KMT2D: variants seen among roughly 807,000 people sequenced by gnomAD.
The protein encoded by KMT2D is histone-lysine N-methyltransferase 2D.
In KMT2D, 55 loss-of-function variants were observed where a neutral mutation model predicts 512.7. The observed-to-expected ratio is 0.11, with a 90% CI of 0.09 to 0.13. The LOEUF is 0.13. Among genes scored for constraint, KMT2D ranks in the 10% least tolerant of loss-of-function variants. The probability of loss-of-function intolerance (pLI) is 1.00; values close to 1 mark genes in which losing one functional copy is unlikely to be tolerated. For synonymous variants in KMT2D, 2,995 were observed against 2,904.0 expected (o/e 1.03, Z -1.01); for missense variants, 6,061 against 7,127.9 (o/e 0.85, Z 5.39).
rs373801234 is a variant in KMT2D at position 49,034,628 on chromosome 12, C to G, written c.10394G>C (p.Gly3465Ala). The change falls in exon 37 of 55, where the codon GGA becomes GCA. Residue 3465 changes from glycine to alanine, a missense_variant. Gly to Ala is a moderately conservative substitution (Grantham distance 60, BLOSUM62 0). This residue lies in a region of KMT2D where 533 missense variants were observed against 539.6 expected (regional missense o/e 0.99). Transcript: ENST00000301067. ...ATGGTTCTGCAGATCACTGCTAGGT[C>G]CCCCCGAGAGCCTCTGGGCTAGCAG... ...VSLLAQRLSG[G>A]PSSDLQNHVA... 3.1e-6 allele frequency: 5 copies of G among 1,613,306 alleles called. No individual in the cohort carries two copies. The South Asian group carries it at 3.3e-5, about 11-fold the overall frequency.
chr12:49,042,767 G>C lies in KMT2D; in HGVS notation c.5756C>G (p.Thr1919Arg), dbSNP rs200741577. ...TTGAAGAAAGGGCCTCTGCAGTGGC[G>C]TACGGCTGCCTTCTAGGCCAGGGGT... ...CGTPGLEGSRTPLQRPFLQGG... is the reference protein window; with the variant it reads ...CGTPGLEGSRRPLQRPFLQGG... Residue 1919 changes from threonine (T) to arginine (R), a missense_variant, in exon 27 of 55, where the codon ACG becomes AGG. Around this residue, in one of 16 missense-constraint regions of KMT2D, gnomAD observed 640 missense variants for 814.3 expected, o/e 0.79. Transcript: ENST00000301067. The surrounding 1 kb of genome is among the most constrained non-coding windows in gnomAD (Gnocchi z 4.4). 1.9e-6 allele frequency: 3 copies of C among 1,613,894 alleles called. No homozygotes were observed. Among genetic ancestry groups the C allele is most frequent in the Non-Finnish European group, 1.7e-6 (2 of 1,179,802 alleles).
At position 49,054,845 on chromosome 12, in the gene KMT2D, C is replaced by T; in HGVS notation, c.176+55G>A. 2.5e-6 allele frequency: 4 copies of T among 1,604,316 alleles called. No individual in the cohort carries two copies. The South Asian group carries it at 4.4e-5, about 18-fold the overall frequency. ...TCCCCAACACTCATTTTCCTAAATTCTCTTCCTTGAAAGCCCTAGACTCTC... is the reference window on the plus strand; with the variant it reads ...TCCCCAACACTCATTTTCCTAAATTTTCTTCCTTGAAAGCCCTAGACTCTC... On this transcript the variant is annotated intron_variant, in intron 3 of 54. Coordinates refer to ENST00000301067, the MANE Select transcript of KMT2D (RefSeq NM_003482.4). This position sits in a 1 kb window ranked among gnomAD's most constrained non-coding sequence, Gnocchi z 6.4.
chr12:49,042,930 A>G lies in KMT2D; in HGVS notation c.5645-52T>C. 3 of 1,607,840 alleles carry G rather than the reference A, an allele frequency of 1.9e-6. No homozygotes were observed. The highest frequency in any genetic ancestry group is 2.6e-6 in the Non-Finnish European group (3 of 1,176,062). On this transcript the variant is annotated intron_variant, in intron 26 of 54. Coordinates refer to ENST00000301067, the MANE Select transcript of KMT2D (RefSeq NM_003482.4). This position sits in a 1 kb window ranked among gnomAD's most constrained non-coding sequence, Gnocchi z 4.4. The stretch of plus-strand genomic sequence containing the variant: ...AGGAAGACTGGGAAGTTCAGGTGAC[A>G]CCACAGGTCTACAAATGATCATGGC...
At position 49,032,610 on chromosome 12, in the gene KMT2D, G is replaced by A. The variant is rs772049588; in HGVS notation, c.12095C>T (p.Ala4032Val). 3 of 1,613,982 alleles carry A rather than the reference G, an allele frequency of 1.9e-6. No homozygotes were observed. The Admixed American group carries it at 5.0e-5, about 27-fold the overall frequency. ...CCCCTCAGTGGCCTCTGAAGAAACG[G>A]CTGGGTCTACGGTGTTTTGTTCCTT... is the stretch of plus-strand genomic sequence containing the variant. ...TGKEQNTVDP[A>V]VSSEATEGPS... Residue 4032 changes from alanine to valine, a missense_variant, in exon 40 of 55, where the codon GCC (alanine) becomes GTC (valine). Physicochemically the swap from Ala to Val is moderately conservative, Grantham distance 64. Around this residue, in one of 16 missense-constraint regions of KMT2D, gnomAD observed 1,600 missense variants for 1,754.9 expected, o/e 0.91. Transcript: ENST00000301067.
chr12:49,027,156 G>A lies in KMT2D; in HGVS notation c.14810C>T (p.Pro4937Leu), dbSNP rs1481351694. The change falls in exon 49 of 55, where the codon CCC becomes CTC. Residue 4937 changes from proline to leucine, a missense_variant. Physicochemically the swap from Pro to Leu is moderately conservative, Grantham distance 98. This residue lies in a region of KMT2D where 1,600 missense variants were observed against 1,754.9 expected (regional missense o/e 0.91). Transcript: ENST00000301067. ...GGGTGGCTCAGCCAAGGGTTCGGTG[G>A]GAAGTTCAACCAAGGGCTCAGTAGG... ...SPPTEPLVEL[P>L]TEPLAEPPVP... The A allele has an allele frequency of 2.6e-6, 4 of 1,567,168 alleles. No individual in the cohort carries two copies.
chr12:49,024,727 C>A lies in KMT2D; in HGVS notation c.15922-19G>T, dbSNP rs992466578. On this transcript the variant is annotated intron_variant, in intron 50 of 54. Coordinates refer to ENST00000301067, the MANE Select transcript of KMT2D (RefSeq NM_003482.4). This position sits in a 1 kb window ranked among gnomAD's most constrained non-coding sequence, Gnocchi z 4.5. ...CGGGCAGCTGTGGGCACAGTTCATA[C>A]TCACCTTAGCCTGAGTTTTTTTGGG... is the stretch of plus-strand genomic sequence containing the variant. 6.2e-7 allele frequency: 1 copy of A among 1,612,254 alleles called. No homozygotes were observed. Among genetic ancestry groups the A allele is most frequent in the South Asian group, 1.1e-5 (1 of 90,882 alleles).
At chr12:49,036,988 C>T in intron 35 of KMT2D, 137 bp downstream of exon 35, 1 of 1,100,288 alleles carries the variant, frequency 9.1e-7, no homozygotes, top group African/African-American at 1.6e-5. Context: ...CTGCCTCTAC[C>T]ACTAGTATGA....
rs1421194700 is a variant in KMT2D, at chr12:49,038,935, G to A, written c.8421C>T (p.Ser2807=). 5.2e-6 allele frequency: 8 copies of A among 1,551,632 alleles called. No homozygotes were observed. Among genetic ancestry groups the A allele is most frequent in the Admixed American group, 3.9e-5 (2 of 51,000 alleles). ...GTTGCTGTTGCTGCTGTAAGGGCAGGGACCCAGGATAGGGTGCTCGCTGAT... is the reference window on the plus strand; with the variant it reads ...GTTGCTGTTGCTGCTGTAAGGGCAGAGACCCAGGATAGGGTGCTCGCTGAT... The part of the protein sequence containing the change: ...AFYQRAPYPG[S]LPLQQQQQQL... The change falls in exon 35 of 55, where the codon TCC becomes TCT. Residue 2807 remains serine, a synonymous_variant. Coordinates refer to ENST00000301067, the MANE Select transcript of KMT2D (RefSeq NM_003482.4). This position sits in a 1 kb window ranked among gnomAD's most constrained non-coding sequence, Gnocchi z 5.7.
In KMT2D at chr12:49,027,067, G is replaced by A. The variant is rs943956557; in HGVS notation, c.14899C>T (p.Pro4967Ser). ...CGGGAATCTTCACCTTCTTCAGGGG[G>A]CCGGGCACGGGGCTTGGGTCGGGCT... ...ESARPKPRAR[P>S]PEEGEDSRPP... Residue 4967 changes from proline (P) to serine (S), a missense_variant, in exon 49 of 55, where the codon CCC (proline) becomes TCC (serine). Pro to Ser is a moderately conservative substitution (Grantham distance 74, BLOSUM62 -1). Transcript: ENST00000301067. 1.2e-6 allele frequency: 2 copies of A among 1,613,648 alleles called. No homozygotes were observed. The highest frequency in any genetic ancestry group is 1.7e-6 in the Non-Finnish European group (2 of 1,179,638).
rs1334504361 is a variant in KMT2D, at chr12:49,027,900, C to T, written c.14546G>A (p.Ser4849Asn). The T allele has an allele frequency of 1.5e-5, 25 of 1,613,676 alleles. No homozygotes were observed. Among genetic ancestry groups the T allele is most frequent in the Non-Finnish European group, 1.9e-5 (23 of 1,179,806 alleles). The stretch of plus-strand genomic sequence containing the variant: ...CAGCCAATCAGGGCCAGTGTCTGGG[C>T]TCTTGCCTTCCAGACCCTTTTCCTT... ...GGKEKGLEGKSPDTGPDWLKQ... is the reference protein window; with the variant it reads ...GGKEKGLEGKNPDTGPDWLKQ... The change falls in exon 48 of 55, where the codon AGC becomes AAC. Residue 4849 changes from serine to asparagine, a missense_variant. Physicochemically the swap from Ser to Asn is conservative, Grantham distance 46 (BLOSUM62 1). This residue lies in a region of KMT2D where 1,600 missense variants were observed against 1,754.9 expected (regional missense o/e 0.91). Coordinates refer to ENST00000301067, the MANE Select transcript of KMT2D (RefSeq NM_003482.4).
intron 10 of KMT2D, 34 bp downstream of exon 10, chr12:49,052,530 G>A: frequency 1.2e-6 from 2 of 1,607,026 alleles, no homozygotes; most frequent in Non-Finnish European, 1.7e-6. Flanking sequence ...GAATAAAAGG[G>A]GATGAATTTC....
chr12:49,060,672 C>T lies in KMT2D; in HGVS notation c.-1097G>A, dbSNP rs903458518. 6.6e-6 allele frequency among the ~76,000 whole-genome samples: 1 copy of T among 152,204 alleles called. No homozygotes were observed. Among genetic ancestry groups the T allele is most frequent in the African/African-American group, 2.4e-5 (1 of 41,466 alleles). On this transcript the variant is annotated 5_prime_UTR_variant, in exon 1 of 55. Coordinates refer to ENST00000301067, the MANE Select transcript of KMT2D (RefSeq NM_003482.4). ...ATTTCCTGGCCCAAGAGCTGGGCAG[C>T]GGTCGTGAAGATTCGTGAAGCCTTC...
In KMT2D at chr12:49,031,355, CAGG is replaced by C. The variant is rs1942900402; in HGVS notation, c.13347_13349del (p.Leu4451del). The stretch of plus-strand genomic sequence containing the variant: ...CAGCTTCTGAGCGAGGGCCTGCCAG[CAGG>C]AGGTGGTTGCTGGTTCCTGGTGCCC... On this transcript the variant is annotated inframe_deletion, in exon 40 of 55. Transcript: ENST00000301067. The C allele has an allele frequency of 6.2e-7, 1 of 1,613,616 alleles. No individual in the cohort carries two copies. Among genetic ancestry groups the C allele is most frequent in the Non-Finnish European group, 8.5e-7 (1 of 1,179,888 alleles).
Position 49,037,394 on chromosome 12 carries a change from C to G in KMT2D, c.9962G>C (p.Arg3321Pro), listed in dbSNP as rs753081311. ...CAGTGGCTGGGGCAAACCTGGCTGT[C>G]GGGCACCTGCAAGACCCAGGGAAAG... ...QQLSLGLAGA[R>P]QPGLPQPLMP... The change falls in exon 35 of 55, where the codon CGA (arginine) becomes CCA (proline). Residue 3321 changes from arginine (R) to proline (P), a missense_variant. Coordinates refer to ENST00000301067, the MANE Select transcript of KMT2D (RefSeq NM_003482.4). 3 of 1,606,546 alleles carry G rather than the reference C, an allele frequency of 1.9e-6. No individual in the cohort carries two copies. The highest frequency in any genetic ancestry group is 1.3e-5 in the African/African-American group (1 of 74,824).
Position 49,037,494 on chromosome 12 carries a change from C to G in KMT2D, c.9862G>C (p.Ala3288Pro), listed in dbSNP as rs1330173721. The change falls in exon 35 of 55, where the codon GCA becomes CCA. Residue 3288 changes from alanine (A) to proline (P), a missense_variant. Around this residue, in one of 16 missense-constraint regions of KMT2D, gnomAD observed 533 missense variants for 539.6 expected, o/e 0.99. Coordinates refer to ENST00000301067, the MANE Select transcript of KMT2D (RefSeq NM_003482.4). ...GACATGGCCTGGGCAGGGCCTGGTG[C>G]AGACAGTAGGGAATGCTGCTGCTGC... is the stretch of plus-strand genomic sequence containing the variant. ...QQQQQHSLLS[A>P]PGPAQAMSLP... The G allele has an allele frequency of 6.4e-7, 1 of 1,558,808 alleles. No homozygotes were observed. The highest frequency in any genetic ancestry group is 8.7e-7 in the Non-Finnish European group (1 of 1,151,260).
intron 44 of KMT2D, 49 bp downstream of exon 44, chr12:49,029,352 C>A (rs771269793): frequency 6.4e-7 from 1 of 1,561,888 alleles, no homozygotes; most frequent in Admixed American, 1.9e-5. Flanking sequence ...TATGAGGCAA[C>A]CTGTACCCCA....
intron 42 of KMT2D, 40 bp downstream of exon 42, chr12:49,030,560 AG>A: frequency 6.5e-7 from 1 of 1,528,418 alleles, no homozygotes; most frequent in Admixed American, 2.1e-5. Flanking sequence ...CACCTTCCCA[AG>A]AACTTCACTA....
chr12:49,039,898 G>A lies in KMT2D; in HGVS notation c.7872C>T (p.Ser2624=), dbSNP rs772404604. Residue 2624 remains serine, a synonymous_variant, in exon 32 of 55, where the codon TCC becomes TCT. Coordinates refer to ENST00000301067, the MANE Select transcript of KMT2D (RefSeq NM_003482.4). This position sits in a 1 kb window ranked among gnomAD's most constrained non-coding sequence, Gnocchi z 5.0. ...SVLPPPAPDG[S]LPYLSHGASQ... Reference sequence around the variant, plus strand: ...AGGCTCCATGGGACAGGTAGGGGAGGGATCCGTCGGGTGCAGGTGGTGGCA... The same window carrying A: ...AGGCTCCATGGGACAGGTAGGGGAGAGATCCGTCGGGTGCAGGTGGTGGCA... The A allele has an allele frequency of 5.6e-6, 9 of 1,613,918 alleles. No homozygotes were observed. The East Asian group carries it at 2.0e-4, about 36-fold the overall frequency.
chr12:49,041,031 G>C lies in KMT2D; in HGVS notation c.6739C>G (p.Pro2247Ala), dbSNP rs794727547. 6.4e-7 allele frequency: 1 copy of C among 1,571,098 alleles called. No individual in the cohort carries two copies. The highest frequency in any genetic ancestry group is 8.6e-7 in the Non-Finnish European group (1 of 1,157,776). Reference sequence around the variant, plus strand: ...AAGTTATCCAGCGAGGGGCAGCGGGGTTTGAGGAATGGGTCAGGTGTGGAG... The same window carrying C: ...AAGTTATCCAGCGAGGGGCAGCGGGCTTTGAGGAATGGGTCAGGTGTGGAG... ...QPSTPDPFLK[P>A]RCPSLDNLAV... Residue 2247 changes from proline (P) to alanine (A), a missense_variant, in exon 32 of 55, where the codon CCC becomes GCC. Physicochemically the swap from Pro to Ala is conservative, Grantham distance 27. This residue lies in a region of KMT2D where 710 missense variants were observed against 647.3 expected (regional missense o/e 1.10). Transcript: ENST00000301067. The surrounding 1 kb of genome is among the most constrained non-coding windows in gnomAD (Gnocchi z 5.4).
Sources: gnomAD v4.1 joint callset for allele counts (sites outside exome capture counted in the v4.1 genomes callset) on GRCh38, gnomAD v4.1.1 for gene constraint, gnomAD v4.1.1 regional missense constraint, Gnocchi (gnomAD v3.1) non-coding constraint, MANE v1.5 for transcripts, NCBI Gene and HGNC (gene_info 2026-07-23, HGNC 2026-07-21) for gene names.